ADAM10: variants seen among roughly 807,000 people sequenced by gnomAD.
ADAM10 encodes the protein disintegrin and metalloproteinase domain-containing protein 10.
ADAM10 carries 17 observed loss-of-function variants against 90.1 expected under a neutral mutation model. That is an observed-to-expected ratio of 0.19 (90% CI 0.13 to 0.28). ADAM10 has a LOEUF of 0.28. Ranked by LOEUF, ADAM10 falls within the 10% of genes least tolerant of loss-of-function variation. The probability of loss-of-function intolerance (pLI) is 1.00; values close to 1 mark genes in which losing one functional copy is unlikely to be tolerated. For missense variants in ADAM10, 610 were observed against 914.3 expected (o/e 0.67, Z 4.29); for synonymous variants, 310 against 298.6 (o/e 1.04, Z -0.40).
At chr15:58,664,753 A>C (rs1897041099) in intron 5 of ADAM10, among the ~76,000 whole-genome samples, 1 of 152,160 alleles carries the variant, frequency 6.6e-6, no homozygotes, top group Non-Finnish European at 1.5e-5. Context: ...CAGTGTTAAA[A>C]ATGAGGAATA....
chr15:58,621,102 A>AC (rs1470484350), intron 11 of ADAM10, among the ~76,000 whole-genome samples: 1 of 151,848 alleles, frequency 6.6e-6, no homozygotes, highest in Non-Finnish European at 1.5e-5. Context: ...TCTCTAAAAA[A>AC]AAATACAAAA....
At position 58,643,887 on chromosome 15, in the gene ADAM10, C is replaced by T; in HGVS notation, c.827G>A (p.Arg276Lys). ...RNISFMVKRI[R>K]INTTADEKDP... is the part of the protein sequence containing the mutation. ...TTTTTAACTATTTAAGTTCCTTACT[C>T]TTATGCGTTTCACCATGAAACTGAT... The change falls in exon 7 of 16, where the codon AGA becomes AAA. Residue 276 changes from arginine to lysine, a missense_variant and splice_region_variant. By Grantham distance (26) the Arg-to-Lys change is conservative. Around this residue, in one of 4 missense-constraint regions of ADAM10, gnomAD observed 310 missense variants for 362.4 expected, o/e 0.86. Transcript: ENST00000260408. The T allele has an allele frequency of 2.5e-6, 4 of 1,607,576 alleles. No homozygotes were observed. The highest frequency in any genetic ancestry group is 3.4e-6 in the Non-Finnish European group (4 of 1,174,200).
intron 4 of ADAM10, among the ~76,000 whole-genome samples, chr15:58,678,181 T>C (rs1235452960): frequency 6.6e-6 from 1 of 152,172 alleles, no homozygotes; most frequent in Non-Finnish European, 1.5e-5. Flanking sequence ...CATAAATGCA[T>C]CCTACCTAGT....
At chr15:58,749,262 T>C (rs1899896885) in intron 1 of ADAM10, among the ~76,000 whole-genome samples, 1 of 152,074 alleles carries the variant, frequency 6.6e-6, no homozygotes, top group Non-Finnish European at 1.5e-5. Context: ...GGGGAAGGCC[T>C]CGCCGGAGGC....
intron 1 of ADAM10, among the ~76,000 whole-genome samples, chr15:58,723,662 G>A (rs958650163): frequency 5.3e-5 from 8 of 152,028 alleles, no homozygotes; most frequent in Non-Finnish European, 1.0e-4. Flanking sequence ...CCAAGGTCAC[G>A]CCACTGCTCT....
At chr15:58,603,513 G>T (rs1285086639) in intron 14 of ADAM10, among the ~76,000 whole-genome samples, 1 of 152,092 alleles carries the variant, frequency 6.6e-6, no homozygotes, top group Non-Finnish European at 1.5e-5. Flanking sequence ...GGCAAGTTGG[G>T]TACAGGAGAC....
At chr15:58,647,891 G>A (rs1268253683) in intron 5 of ADAM10, among the ~76,000 whole-genome samples, 1 of 152,052 alleles carries the variant, frequency 6.6e-6, no homozygotes, top group Non-Finnish European at 1.5e-5. Context: ...CACTGCTATT[G>A]AATCCAGTCA....
At chr15:58,722,061 C>T (rs529217066) in intron 1 of ADAM10, among the ~76,000 whole-genome samples, 1 of 150,746 alleles carries the variant, frequency 6.6e-6, no homozygotes, top group Non-Finnish European at 1.5e-5. Flanking sequence ...AATAATAGGC[C>T]GGGCACGGTG....
chr15:58,638,157 A>T (rs1475134252), intron 8 of ADAM10, among the ~76,000 whole-genome samples: 2 of 152,014 alleles, frequency 1.3e-5, no homozygotes, highest in South Asian at 4.2e-4. Flanking sequence ...CAAGAGCTGA[A>T]GTTGGGGGTT....
chr15:58,730,393 T>A (rs1396289398), intron 1 of ADAM10, among the ~76,000 whole-genome samples: 1 of 152,236 alleles, frequency 6.6e-6, no homozygotes, highest in Admixed American at 6.5e-5. Flanking sequence ...ATTTTCTATC[T>A]CTGCTTTCAC....
intron 5 of ADAM10, among the ~76,000 whole-genome samples, chr15:58,647,771 A>C (rs753158496): frequency 6.6e-5 from 10 of 152,118 alleles, no homozygotes; most frequent in Non-Finnish European, 1.2e-4. Flanking sequence ...CAGGCTGGTC[A>C]TGAGCTCCTG....
intron 2 of ADAM10, among the ~76,000 whole-genome samples, chr15:58,685,794 A>G (rs1174323672): frequency 5.9e-5 from 9 of 151,918 alleles, no homozygotes; most frequent in Non-Finnish European, 1.3e-4. Flanking sequence ...ACATACGAGC[A>G]TATTTCTTAT....
intron 7 of ADAM10, among the ~76,000 whole-genome samples, chr15:58,643,107 T>C (rs1896459340): frequency 1.3e-5 from 2 of 152,168 alleles, no homozygotes; most frequent in Admixed American, 6.5e-5. Context: ...ATATAAATAC[T>C]GTTTCTTTAA....
chr15:58,641,812 G>A (rs1169084294), intron 7 of ADAM10, among the ~76,000 whole-genome samples: 1 of 152,100 alleles, frequency 6.6e-6, no homozygotes, highest in East Asian at 1.9e-4. Flanking sequence ...TTACCGAAAG[G>A]CAAACCTCAG....
chr15:58,676,235 G>A (rs1325918279), intron 4 of ADAM10: 1 of 453,608 alleles, frequency 2.2e-6, no homozygotes, highest in Admixed American at 2.4e-5. Context: ...ACAGGGTAAA[G>A]AACAGGAGGT....
rs1317906223 is a variant in ADAM10 at position 58,595,105 on chromosome 15, A to G, written c.*2442T>C. The G allele has an allele frequency of 6.6e-6, 1 of 152,210 alleles. No homozygotes were observed. The highest frequency in any genetic ancestry group is 2.4e-5 in the African/African-American group (1 of 41,458). The allele number at this position is 152,210 out of a possible 1,614,324, so 9.4% of individuals were successfully genotyped here. On this transcript the variant is annotated 3_prime_UTR_variant, in exon 16 of 16. Transcript: ENST00000260408. ...CTTAGCATTCAAAACTTTGAAAAAC[A>G]CATAAAAACAAGACCATAAGTTTTC...
At chr15:58,665,045 T>A (rs1249976722) in intron 5 of ADAM10, 52 bp downstream of exon 5, 14 of 1,285,754 alleles carry the variant, frequency 1.1e-5, no homozygotes, top group East Asian at 2.3e-5. Context: ...TAGATATACA[T>A]CCTCAAATTC....
At chr15:58,647,515 C>T (rs973345264) in intron 5 of ADAM10, among the ~76,000 whole-genome samples, 3 of 151,472 alleles carry the variant, frequency 2.0e-5, no homozygotes, top group South Asian at 2.1e-4. Context: ...CCGCCCGCCT[C>T]GGCCTCCCAA....
intron 4 of ADAM10, among the ~76,000 whole-genome samples, chr15:58,673,093 T>C (rs1319358169): frequency 6.6e-6 from 1 of 152,048 alleles, no homozygotes; most frequent in African/African-American, 2.4e-5. Flanking sequence ...TGTCTCTAGA[T>C]AGCCCATCCT....
Sources: gnomAD v4.1 joint callset for allele counts (sites outside exome capture counted in the v4.1 genomes callset) on GRCh38, gnomAD v4.1.1 for gene constraint, gnomAD v4.1.1 regional missense constraint, MANE v1.5 for transcripts, NCBI Gene and HGNC (gene_info 2026-07-23, HGNC 2026-07-21) for gene names.